The following POGLUT3 variants were observed in gnomAD, a reference collection of about 807,000 sequenced individuals.
The protein encoded by POGLUT3 is KDEL (Lys-Asp-Glu-Leu) containing 2.
A neutral mutation model predicts 54.3 loss-of-function variants in POGLUT3; 48 were observed. The observed-to-expected ratio is 0.88, with a 90% confidence interval of 0.70 to 1.12. The LOEUF is 1.12. Among genes scored for constraint, POGLUT3 ranks in the 50% most tolerant of loss-of-function variants. POGLUT3 has a pLI of 0.00. For synonymous variants in POGLUT3, 218 were observed against 237.4 expected (o/e 0.92, Z 0.75); for missense variants, 629 against 618.7 (o/e 1.02, Z -0.18).
chr11:108,482,121 C>T lies in POGLUT3; in HGVS notation c.786G>A (p.Trp262Ter), dbSNP rs202242272. The T allele has an allele frequency of 2.9e-4, 469 of 1,614,068 alleles. 2 individuals are homozygous for T. The highest frequency in any genetic ancestry group is 1.5e-3 in the Admixed American group (93 of 60,006). The change falls in exon 4 of 8, where the codon TGG becomes TGA. Residue 262 changes from tryptophan (W) to a stop codon, truncating the protein, a stop_gained. Transcript: ENST00000323468. LOFTEE classifies it high-confidence loss of function. ...CATCTCTTGAATCCAGAGAGCCACA[C>T]CATGAAATGATAGGTATGGGGCTAG... is the stretch of plus-strand genomic sequence containing the variant. ...GTPSPIPIIS[W>*]CGSLDSRDVV...
chr11:108,497,432 C>T (rs1344726471), intron 1 of POGLUT3, among the ~76,000 whole-genome samples: 1 of 152,094 alleles, frequency 6.6e-6, no homozygotes, highest in Non-Finnish European at 1.5e-5. Flanking sequence ...TGCTAGTTGG[C>T]CAGAGCCCCA....
intron 2 of POGLUT3, among the ~76,000 whole-genome samples, chr11:108,488,684 A>G (rs1029222115): frequency 6.6e-6 from 1 of 152,270 alleles, no homozygotes; most frequent in African/African-American, 2.4e-5. Flanking sequence ...GATTCTAAAA[A>G]TAATACAGTT....
At position 108,481,253 on chromosome 11, in the gene POGLUT3, C is replaced by T; in HGVS notation, c.1025G>A (p.Gly342Glu). Residue 342 changes from glycine to glutamate, a missense_variant, in exon 5 of 8, where the codon GGA (glycine) becomes GAA (glutamate). Transcript: ENST00000323468. Reference protein sequence around the residue: ...NPQLLDAGITGYFFFQEKEKE... With the variant: ...NPQLLDAGITEYFFFQEKEKE... The stretch of plus-strand genomic sequence containing the variant: ...TTCTTTCTCTTGGAAAAAGAAATAT[C>T]CTGTAATTCCTGCATCTAGTAGCTG... The T allele has an allele frequency of 1.2e-6, 2 of 1,612,952 alleles. No homozygotes were observed.
intron 3 of POGLUT3, 93 bp from the exon 4 acceptor site, chr11:108,482,315 A>T: frequency 1.2e-6 from 1 of 831,688 alleles, no homozygotes. Flanking sequence ...CATATTTTTG[A>T]CAGGGCTAAC....
Position 108,495,362 on chromosome 11 carries a change from G to C in POGLUT3, c.202+2803C>G, listed in dbSNP as rs1591646646. ...ATATTTTGGATTTTTTTGGTAGATG[G>C]GTTTTGCCATGTTGCCCAGACTGGT... On this transcript the variant is annotated intron_variant, in intron 1 of 7. Coordinates refer to ENST00000323468, the MANE Select transcript of POGLUT3 (RefSeq NM_153705.5). Among the ~76,000 whole-genome samples the C allele has an allele frequency of 7.9e-5, 12 of 152,258 alleles. No individual in the cohort carries two copies. The South Asian group carries it at 2.5e-3, about 32-fold the overall frequency.
At chr11:108,476,800 T>C (rs1480297262) in intron 7 of POGLUT3, among the ~76,000 whole-genome samples, 3 of 152,190 alleles carry the variant, frequency 2.0e-5, no homozygotes, top group East Asian at 1.9e-4. Context: ...TATTTCTCAT[T>C]AGTTTGTTTG....
chr11:108,481,125 A>T, intron 5 of POGLUT3, 55 bp downstream of exon 5: 1 of 1,402,656 alleles, frequency 7.1e-7, no homozygotes, highest in South Asian at 1.4e-5. Context: ...ATTTTGGTAG[A>T]CTTTTAATAC....
At chr11:108,497,068 T>A (rs2093623480) in intron 1 of POGLUT3, among the ~76,000 whole-genome samples, 1 of 152,226 alleles carries the variant, frequency 6.6e-6, no homozygotes, top group African/African-American at 2.4e-5. Context: ...CTGCACTCTG[T>A]ACATACCTTC....
At chr11:108,487,585 CTTTT>C (rs2093605877) in intron 2 of POGLUT3, among the ~76,000 whole-genome samples, 1 of 151,954 alleles carries the variant, frequency 6.6e-6, no homozygotes, top group Admixed American at 6.6e-5. Context: ...TTCTTTCTTT[CTTTT>C]ATTTTTGTTT....
At chr11:108,487,003 A>G (rs563690115) in intron 2 of POGLUT3, 3 of 152,588 alleles carry the variant, frequency 2.0e-5, no homozygotes, top group Middle Eastern at 3.2e-3. Context: ...AAGTCTGATA[A>G]GAAACATTTG....
intron 4 of POGLUT3, among the ~76,000 whole-genome samples, chr11:108,481,795 A>G (rs905162008): frequency 2.0e-5 from 3 of 152,218 alleles, no homozygotes; most frequent in Non-Finnish European, 4.4e-5. Flanking sequence ...GTGTTTCACA[A>G]TAAAACGTGA....
chr11:108,490,007 C>A (rs1020903248), intron 2 of POGLUT3, among the ~76,000 whole-genome samples: 5 of 152,092 alleles, frequency 3.3e-5, no homozygotes, highest in Non-Finnish European at 5.9e-5. Context: ...TTACCTCAGC[C>A]CCCTGAGTAG....
At position 108,477,817 on chromosome 11, in the gene POGLUT3, T is replaced by C. The variant is rs375705921; in HGVS notation, c.1294-106A>G. On this transcript the variant is annotated intron_variant, in intron 6 of 7. Coordinates refer to ENST00000323468, the MANE Select transcript of POGLUT3 (RefSeq NM_153705.5). ...GATGTGGGGTTGAAAGTGAACAGCA[T>C]GGGAAAGCCAGAACATAATGGAATT... The C allele has an allele frequency of 8.4e-5, 63 of 752,960 alleles. No individual in the cohort carries two copies. The East Asian group carries it at 8.7e-4, about 10-fold the overall frequency. 46.6% of individuals were successfully genotyped at this position (752,960 alleles called of 1,614,324 possible). A position where few individuals can be genotyped will look rare whatever the true frequency, so the allele number is the denominator to read the frequency against.
Position 108,474,915 on chromosome 11 carries a change from C to A in POGLUT3, c.1436G>T (p.Arg479Leu). 6.2e-7 allele frequency: 1 copy of A among 1,614,062 alleles called. No homozygotes were observed. Among genetic ancestry groups the A allele is most frequent in the Non-Finnish European group, 8.5e-7 (1 of 1,179,968 alleles). ...AERQSSKPEV[R>L]DGMELVPQPE... ...CTGAGGAACAAGTTCCATTCCATCACGTACTTCGGGTTTGCTGGACTGGCG... is the reference window on the plus strand; with the variant it reads ...CTGAGGAACAAGTTCCATTCCATCAAGTACTTCGGGTTTGCTGGACTGGCG... Residue 479 changes from arginine to leucine, a missense_variant, in exon 8 of 8, where the codon CGT becomes CTT. By Grantham distance (102) the Arg-to-Leu change is moderately radical. Transcript: ENST00000323468.
rs1157455877 is a variant in POGLUT3, at chr11:108,473,912, A to C, written c.*915T>G. On this transcript the variant is annotated 3_prime_UTR_variant, in exon 8 of 8. Transcript: ENST00000323468. Reference sequence around the variant, plus strand: ...TTTAAAGGATATGAGTAGTGCTTTAAAAAATATTCCCTCCACAGTCTCCAT... The same window carrying C: ...TTTAAAGGATATGAGTAGTGCTTTACAAAATATTCCCTCCACAGTCTCCAT... 6.6e-6 allele frequency: 1 copy of C among 152,170 alleles called. No individual in the cohort carries two copies. The highest frequency in any genetic ancestry group is 1.5e-5 in the Non-Finnish European group (1 of 68,026). The allele number at this position is 152,170 out of a possible 1,614,324, so 9.4% of individuals were successfully genotyped here. A position where few individuals can be genotyped will look rare whatever the true frequency, so the allele number is the denominator to read the frequency against.
chr11:108,475,013 C>T (rs2093577915), intron 7 of POGLUT3, 61 bp from the exon 8 acceptor site: 1 of 1,549,562 alleles, frequency 6.5e-7, no homozygotes. Flanking sequence ...GTTGACTCCC[C>T]CACCCACTCC....
At chr11:108,494,742 A>C (rs1210015656) in intron 1 of POGLUT3, among the ~76,000 whole-genome samples, 3 of 152,246 alleles carry the variant, frequency 2.0e-5, no homozygotes, top group Non-Finnish European at 4.4e-5. Flanking sequence ...ATGAAGGTAG[A>C]AGACTGAGTA....
intron 3 of POGLUT3, among the ~76,000 whole-genome samples, chr11:108,484,951 G>A (rs922228391): frequency 2.6e-5 from 4 of 151,954 alleles, no homozygotes; most frequent in African/African-American, 9.7e-5. Context: ...TGAGATAAGG[G>A]GGCGCTATTG....
intron 7 of POGLUT3, 83 bp downstream of exon 7, chr11:108,477,524 G>A (rs2093584249): frequency 1.3e-6 from 1 of 785,880 alleles, no homozygotes; most frequent in Non-Finnish European, 2.1e-6. Context: ...AGTCCTTCAG[G>A]AAGCCAGGCA....
Sources: gnomAD v4.1 joint callset for allele counts (sites outside exome capture counted in the v4.1 genomes callset) on GRCh38, gnomAD v4.1.1 for gene constraint, MANE v1.5 for transcripts, NCBI Gene and HGNC (gene_info 2026-07-23, HGNC 2026-07-21) for gene names.